The following CDH13 variants were observed in gnomAD, a reference collection of about 807,000 sequenced individuals.
CDH13 encodes cadherin-13.
A neutral mutation model predicts 63.8 loss-of-function variants in CDH13; 24 were observed. The ratio of observed to expected loss-of-function variants is 0.38; its 90% CI spans 0.27 to 0.53. The LOEUF (loss-of-function observed/expected upper bound fraction) is 0.53, where lower values mean the gene tolerates loss of function less well. Among genes scored for constraint, CDH13 ranks in the 20% least tolerant of loss-of-function variants. The pLI is 0.85. For synonymous variants in CDH13, 503 were observed against 355.3 expected, an observed-to-expected ratio of 1.42 and a Z score of -4.67; for missense variants, 1,049 against 903.1, an observed-to-expected ratio of 1.16 and a Z score of -2.07.
chr16:83,748,091 G>C lies in CDH13; in HGVS notation c.1539-17G>C. 2 of 1,613,848 alleles carry C rather than the reference G, an allele frequency of 1.2e-6. No homozygotes were observed. Among genetic ancestry groups the C allele is most frequent in the Non-Finnish European group, 1.7e-6 (2 of 1,179,776 alleles). On this transcript the variant is annotated splice_polypyrimidine_tract_variant and intron_variant, in intron 10 of 13. Transcript: ENST00000567109. ...TACTTTGAATGCAGAGTCTGACATT[G>C]TGGGGATTTTTTTCAGGTATTCTGT...
chr16:83,554,953 C>G (rs2075574738), intron 7 of CDH13, among the ~76,000 whole-genome samples: 1 of 147,816 alleles, frequency 6.8e-6, no homozygotes, highest in African/African-American at 2.5e-5. Flanking sequence ...GAACCTCTCC[C>G]TCTTTGTTAT....
At chr16:83,490,676 A>T (rs569732388) in intron 7 of CDH13, among the ~76,000 whole-genome samples, 5 of 152,198 alleles carry the variant, frequency 3.3e-5, no homozygotes, top group Non-Finnish European at 7.3e-5. Context: ...CACATGAGAG[A>T]TGCTCAAAGA....
intron 10 of CDH13, among the ~76,000 whole-genome samples, chr16:83,700,905 C>G (rs138717660): frequency 6.9e-4 from 105 of 152,156 alleles, no homozygotes; most frequent in African/African-American, 2.5e-3. Context: ...TTTTTAAGAG[C>G]TACTAATTTT....
chr16:83,152,245 C>G (rs116886698), intron 4 of CDH13, among the ~76,000 whole-genome samples: 453 of 152,232 alleles, frequency 3.0e-3, no homozygotes, highest in Non-Finnish European at 4.5e-3. Context: ...AACTAGTGCT[C>G]TCTTGAAAAC....
chr16:82,949,379 G>T (rs1318254581), intron 2 of CDH13, among the ~76,000 whole-genome samples: 1 of 152,094 alleles, frequency 6.6e-6, no homozygotes, highest in Non-Finnish European at 1.5e-5. Flanking sequence ...ACGCATACTG[G>T]AATAGGTCCA....
At chr16:82,801,327 C>T (rs1597630343) in intron 1 of CDH13, among the ~76,000 whole-genome samples, 1 of 152,218 alleles carries the variant, frequency 6.6e-6, no homozygotes, top group African/African-American at 2.4e-5. Flanking sequence ...GAAGATCTAT[C>T]TAACCTCCTG....
chr16:83,476,798 A>G (rs1242142523), intron 6 of CDH13, among the ~76,000 whole-genome samples: 1 of 152,234 alleles, frequency 6.6e-6, no homozygotes, highest in Non-Finnish European at 1.5e-5. Context: ...AATTCAATAT[A>G]AAGAGTATTT....
chr16:83,244,501 C>G (rs1021608327), intron 5 of CDH13, among the ~76,000 whole-genome samples: 1 of 152,166 alleles, frequency 6.6e-6, no homozygotes, highest in African/African-American at 2.4e-5. Flanking sequence ...TTCTCTAAGT[C>G]TGTGCCACTG....
At chr16:82,680,618 AC>A (rs775191308) in intron 1 of CDH13, among the ~76,000 whole-genome samples, 7 of 152,104 alleles carry the variant, frequency 4.6e-5, no homozygotes, top group Non-Finnish European at 7.3e-5. Flanking sequence ...TCATTATATT[AC>A]TCCCCATCCC....
chr16:82,993,672 G>T (rs1337147816), intron 2 of CDH13, among the ~76,000 whole-genome samples: 2 of 152,174 alleles, frequency 1.3e-5, no homozygotes, highest in African/African-American at 4.8e-5. Context: ...CTGCTTCTCG[G>T]ATGGGACTTA....
intron 4 of CDH13, among the ~76,000 whole-genome samples, chr16:83,214,990 G>A (rs1243408750): frequency 3.2e-4 from 48 of 151,238 alleles, no homozygotes; most frequent in Non-Finnish European, 1.3e-4. Flanking sequence ...AGCAAGTAGA[G>A]GGGTCAGTGG....
intron 5 of CDH13, among the ~76,000 whole-genome samples, chr16:83,305,376 T>A (rs1160303822): frequency 6.6e-6 from 1 of 152,274 alleles, no homozygotes; most frequent in Non-Finnish European, 1.5e-5. Flanking sequence ...GAAAGCATCC[T>A]GCTTGGGCAT....
chr16:83,323,328 T>C lies in CDH13; in HGVS notation c.637-21534T>C, dbSNP rs145188194. Among the ~76,000 whole-genome samples the C allele has an allele frequency of 3.8e-3, 576 of 150,194 alleles. 4 individuals carry two copies. The highest frequency in any genetic ancestry group is 0.014 in the African/African-American group (551 of 40,778). ...TTCGCTTTTTTTGCCCATGCTGGAG[T>C]ATAGTGGCACGATCTTAGTTCACTG... On this transcript the variant is annotated intron_variant, in intron 5 of 13. Transcript: ENST00000567109.
intron 10 of CDH13, among the ~76,000 whole-genome samples, chr16:83,697,917 G>T (rs1002872691): frequency 6.6e-6 from 1 of 152,192 alleles, no homozygotes; most frequent in African/African-American, 2.4e-5. Flanking sequence ...CAAATTGCTG[G>T]GATTACAGGC....
intron 8 of CDH13, among the ~76,000 whole-genome samples, chr16:83,622,950 G>C (rs1909947877): frequency 6.6e-6 from 1 of 152,192 alleles, no homozygotes; most frequent in Non-Finnish European, 1.5e-5. Flanking sequence ...GGGAGGACAG[G>C]TATAAAAATA....
intron 5 of CDH13, among the ~76,000 whole-genome samples, chr16:83,253,770 C>T (rs1905876684): frequency 6.6e-6 from 1 of 152,192 alleles, no homozygotes; most frequent in Non-Finnish European, 1.5e-5. Flanking sequence ...ATTATTTTCA[C>T]TTAGATTTGT....
chr16:82,842,453 A>G (rs1406155985), intron 1 of CDH13, among the ~76,000 whole-genome samples: 1 of 151,994 alleles, frequency 6.6e-6, no homozygotes, highest in Non-Finnish European at 1.5e-5. Flanking sequence ...TGTTTAAAAT[A>G]TAAGAGTGCA....
intron 3 of CDH13, among the ~76,000 whole-genome samples, chr16:83,058,923 C>G (rs570257474): frequency 5.2e-4 from 79 of 152,156 alleles, no homozygotes; most frequent in African/African-American, 1.8e-3. Context: ...ATCTTCTTAA[C>G]TGGTGGAACC....
intron 4 of CDH13, among the ~76,000 whole-genome samples, chr16:83,201,615 T>C (rs996915987): frequency 6.6e-6 from 1 of 151,840 alleles, no homozygotes; most frequent in African/African-American, 2.4e-5. Context: ...TGAGTAACGT[T>C]GGCTGGGCAC....
Sources: allele counts gnomAD v4.1 joint callset (sites outside exome capture counted in the v4.1 genomes callset), GRCh38; gene constraint gnomAD v4.1.1; transcripts MANE v1.5; gene names NCBI Gene and HGNC (gene_info 2026-07-23, HGNC 2026-07-21).